HECTD2: variants seen among roughly 807,000 people sequenced by gnomAD.
HECTD2 encodes probable E3 ubiquitin-protein ligase HECTD2.
In HECTD2, 35 loss-of-function variants were observed where a neutral mutation model predicts 103.2. The observed-to-expected ratio is 0.34, with a 90% CI of 0.26 to 0.45. The LOEUF is 0.45. Among genes scored for constraint, HECTD2 ranks in the 20% least tolerant of loss-of-function variants. The probability of loss-of-function intolerance (pLI) is 1.00; values close to 1 mark genes in which losing one functional copy is unlikely to be tolerated. For synonymous variants in HECTD2, 281 were observed against 329.9 expected (o/e 0.85, Z 1.61); for missense variants, 596 against 937.4 (o/e 0.64, Z 4.76).
In HECTD2 at chr10:91,410,458, T is replaced by C; in HGVS notation, c.20T>C (p.Val7Ala). MSEAVRVPSPATPLVVA... is the reference protein window; with the variant it reads MSEAVRAPSPATPLVVA... ...CCCGACATGAGTGAGGCGGTTCGGG[T>C]ACCCTCGCCCGCCACTCCGCTGGTG... The change falls in exon 1 of 21, where the codon GTA becomes GCA. Residue 7 changes from valine (V) to alanine (A), a missense_variant. Val to Ala is a moderately conservative substitution (Grantham distance 64). Around this residue, in one of 4 missense-constraint regions of HECTD2, gnomAD observed 220 missense variants for 233.9 expected, o/e 0.94. Coordinates refer to ENST00000298068, the MANE Select transcript of HECTD2 (RefSeq NM_182765.6). 1 of 1,456,154 alleles carries C rather than the reference T, an allele frequency of 6.9e-7. No individual in the cohort carries two copies. Among genetic ancestry groups the C allele is most frequent in the Non-Finnish European group, 9.0e-7 (1 of 1,108,404 alleles). 90.2% of individuals were successfully genotyped at this position (1,456,154 alleles called of 1,614,324 possible).
chr10:91,503,973 A>AC (rs1385182224), intron 20 of HECTD2, among the ~76,000 whole-genome samples: 1 of 152,016 alleles, frequency 6.6e-6, no homozygotes, highest in Non-Finnish European at 1.5e-5. Flanking sequence ...CTGACACCTG[A>AC]CCCCCGAGCA....
rs550650551 is a variant in HECTD2 at position 91,505,921 on chromosome 10, A to G, written c.2210+4587A>G. Among the ~76,000 whole-genome samples, 5 of 152,218 alleles carry G rather than the reference A, an allele frequency of 3.3e-5. No homozygotes were observed. The East Asian group carries it at 9.6e-4, about 29-fold the overall frequency. On this transcript the variant is annotated intron_variant, in intron 20 of 20. Transcript: ENST00000298068. ...AAAAGAACAGACACTATAACAAACTATCTCTCAGACCACAGTGCAATCAAA... is the reference window on the plus strand; with the variant it reads ...AAAAGAACAGACACTATAACAAACTGTCTCTCAGACCACAGTGCAATCAAA...
Position 91,512,507 on chromosome 10 carries a change from A to C in HECTD2, c.*123A>C, listed in dbSNP as rs1303334897. On this transcript the variant is annotated 3_prime_UTR_variant, in exon 21 of 21. Coordinates refer to ENST00000298068, the MANE Select transcript of HECTD2 (RefSeq NM_182765.6). ...AAAGCTCACCAACTTTAAAATATTAAGTTTTTAAAAAATCAAATATGAAGT... is the reference window on the plus strand; with the variant it reads ...AAAGCTCACCAACTTTAAAATATTACGTTTTTAAAAAATCAAATATGAAGT... 2 of 925,852 alleles carry C rather than the reference A, an allele frequency of 2.2e-6. No homozygotes were observed. Among genetic ancestry groups the C allele is most frequent in the African/African-American group, 3.3e-5 (2 of 60,416 alleles). 57.4% of individuals were successfully genotyped at this position (925,852 alleles called of 1,614,324 possible).
chr10:91,435,298 C>T (rs1341568017), intron 2 of HECTD2, among the ~76,000 whole-genome samples: 1 of 151,830 alleles, frequency 6.6e-6, no homozygotes, highest in Non-Finnish European at 1.5e-5. Flanking sequence ...GGCAGAGCTG[C>T]AGTTGAGACT....
intron 1 of HECTD2, among the ~76,000 whole-genome samples, chr10:91,415,742 A>C (rs1843101353): frequency 6.6e-6 from 1 of 152,240 alleles, no homozygotes; most frequent in Non-Finnish European, 1.5e-5. Flanking sequence ...AGTTTGAAAA[A>C]GAGCATGTTG....
At chr10:91,468,885 A>G (rs1032550876) in intron 5 of HECTD2, among the ~76,000 whole-genome samples, 6 of 147,146 alleles carry the variant, frequency 4.1e-5, no homozygotes, top group African/African-American at 1.5e-4. Flanking sequence ...GTGGTGAGCT[A>G]TGATTGCACC....
intron 10 of HECTD2, chr10:91,486,802 T>G (rs1431065184): frequency 1.3e-5 from 2 of 152,162 alleles, no homozygotes; most frequent in East Asian, 1.9e-4. Flanking sequence ...CTCTCAACTT[T>G]TATTAACAAT....
intron 1 of HECTD2, among the ~76,000 whole-genome samples, chr10:91,416,286 T>C (rs557029778): frequency 1.6e-4 from 24 of 152,302 alleles, no homozygotes; most frequent in Middle Eastern, 6.8e-3. Flanking sequence ...GAAGTCTAAA[T>C]TAACACACAT....
intron 2 of HECTD2, among the ~76,000 whole-genome samples, chr10:91,426,601 T>C (rs552244816): frequency 6.6e-6 from 1 of 151,462 alleles, no homozygotes; most frequent in Non-Finnish European, 1.5e-5. Context: ...CACACACCCC[T>C]CCGTCACGCC....
At chr10:91,502,644 A>G (rs1025688424) in intron 20 of HECTD2, among the ~76,000 whole-genome samples, 7 of 152,120 alleles carry the variant, frequency 4.6e-5, no homozygotes, top group African/African-American at 1.2e-4. Context: ...AAAATTTACA[A>G]TTAAAGTCCT....
Position 91,481,080 on chromosome 10 carries a change from TG to T in HECTD2, c.666-13del. Reference sequence around the variant, plus strand: ...ACATTCATCCATAATAAATTATTCTTGTTTCTTTTTCAGTCCACGAACAAAA... The same window carrying T: ...ACATTCATCCATAATAAATTATTCTTTTTCTTTTTCAGTCCACGAACAAAA... On this transcript the variant is annotated splice_polypyrimidine_tract_variant and intron_variant, in intron 6 of 20. Coordinates refer to ENST00000298068, the MANE Select transcript of HECTD2 (RefSeq NM_182765.6). 7.2e-7 allele frequency: 1 copy of T among 1,394,598 alleles called. No individual in the cohort carries two copies. Among genetic ancestry groups the T allele is most frequent in the Non-Finnish European group, 1.0e-6 (1 of 998,310 alleles). The allele number at this position is 1,394,598 out of a possible 1,614,324, so 86.4% of individuals were successfully genotyped here.
At chr10:91,483,151 A>G (rs1004740889) in intron 8 of HECTD2, 75 bp downstream of exon 8, 10 of 549,748 alleles carry the variant, frequency 1.8e-5, no homozygotes, top group African/African-American at 1.8e-4. Context: ...TTTACAATAA[A>G]ATATATTTAA....
At chr10:91,503,787 G>GGCCT (rs1039717345) in intron 20 of HECTD2, among the ~76,000 whole-genome samples, 1 of 152,214 alleles carries the variant, frequency 6.6e-6, no homozygotes, top group Non-Finnish European at 1.5e-5. Flanking sequence ...AGCTCAAGGA[G>GGCCT]GCCTGCCTGC....
chr10:91,489,834 G>C (rs1043825373), intron 11 of HECTD2: 3 of 152,122 alleles, frequency 2.0e-5, no homozygotes, highest in Non-Finnish European at 2.9e-5. Flanking sequence ...TTAAATTGTA[G>C]ATTTGTGATA....
At chr10:91,508,145 G>A (rs1423459419) in intron 20 of HECTD2, among the ~76,000 whole-genome samples, 38 of 105,716 alleles carry the variant, frequency 3.6e-4, no homozygotes, top group Middle Eastern at 4.1e-3. Flanking sequence ...AGACTTAAAC[G>A]TTAGACCTAA....
At chr10:91,505,220 A>G (rs921834521) in intron 20 of HECTD2, among the ~76,000 whole-genome samples, 7 of 152,200 alleles carry the variant, frequency 4.6e-5, no homozygotes, top group Admixed American at 2.0e-4. Flanking sequence ...TCAACTAACG[A>G]GCAAAGTAAC....
At chr10:91,508,415 A>G (rs1847281489) in intron 20 of HECTD2, among the ~76,000 whole-genome samples, 1 of 151,662 alleles carries the variant, frequency 6.6e-6, no homozygotes, top group Admixed American at 6.6e-5. Flanking sequence ...TGAACTCAAA[A>G]CAAATTTACA....
In HECTD2 at chr10:91,512,468, C is replaced by G. The variant is rs953301609; in HGVS notation, c.*84C>G. 1 of 1,223,500 alleles carries G rather than the reference C, an allele frequency of 8.2e-7. No individual in the cohort carries two copies. Among genetic ancestry groups the G allele is most frequent in the African/African-American group, 1.5e-5 (1 of 66,706 alleles). 75.8% of individuals were successfully genotyped at this position (1,223,500 alleles called of 1,614,324 possible). A position where few individuals can be genotyped will look rare whatever the true frequency, so the allele number is the denominator to read the frequency against. ...CTTTAGCCTTTTCATGTTTCTGTCTCAAAACACTTTGACAAAGCTCACCAA... is the reference window on the plus strand; with the variant it reads ...CTTTAGCCTTTTCATGTTTCTGTCTGAAAACACTTTGACAAAGCTCACCAA... On this transcript the variant is annotated 3_prime_UTR_variant, in exon 21 of 21. Coordinates refer to ENST00000298068, the MANE Select transcript of HECTD2 (RefSeq NM_182765.6).
rs1846325780 is a variant in HECTD2, at chr10:91,487,977, ACTT to A, written c.1191+202_1191+204del. ...AGATAACTCTCATCTCTTCTGATCA[ACTT>A]CTCATTATATTATAAATATAGTAGG... On this transcript the variant is annotated intron_variant, in intron 11 of 20. Transcript: ENST00000298068. This position sits in a 1 kb window ranked among gnomAD's most constrained non-coding sequence, Gnocchi z 4.1. The A allele has an allele frequency of 1.1e-5, 4 of 373,090 alleles. No individual in the cohort carries two copies. The highest frequency in any genetic ancestry group is 1.9e-5 in the Non-Finnish European group (4 of 206,336). 23.1% of individuals were successfully genotyped at this position (373,090 alleles called of 1,614,324 possible). A position where few individuals can be genotyped will look rare whatever the true frequency, so the allele number is the denominator to read the frequency against.
Sources: gnomAD v4.1 joint callset for allele counts (sites outside exome capture counted in the v4.1 genomes callset) on GRCh38, gnomAD v4.1.1 for gene constraint, gnomAD v4.1.1 regional missense constraint, Gnocchi (gnomAD v3.1) non-coding constraint, MANE v1.5 for transcripts, NCBI Gene and HGNC (gene_info 2026-07-23, HGNC 2026-07-21) for gene names.